HDAC4: variants seen among roughly 807,000 people sequenced by gnomAD.
The protein encoded by HDAC4 is histone deacetylase A.
In HDAC4, 16 loss-of-function variants were observed where a neutral mutation model predicts 135.1. The ratio of observed to expected loss-of-function variants is 0.12; its 90% CI spans 0.08 to 0.18. HDAC4 has a LOEUF of 0.18. Among genes scored for constraint, HDAC4 ranks in the 10% least tolerant of loss-of-function variants. The pLI, the probability that HDAC4 is intolerant of heterozygous loss-of-function variation, is 1.00. For synonymous variants in HDAC4, 685 were observed against 653.4 expected (o/e 1.05, Z -0.74); for missense variants, 1,143 against 1,511.8 (o/e 0.76, Z 4.05).
chr2:239,096,570 A>C (rs1245389387), intron 16 of HDAC4, among the ~76,000 whole-genome samples: 7 of 35,092 alleles, frequency 2.0e-4, no homozygotes, highest in Admixed American at 4.1e-4. Flanking sequence ...AGACGCCTAC[A>C]CCCCCCACGA....
intron 2 of HDAC4, among the ~76,000 whole-genome samples, chr2:239,337,483 C>T (rs960275597): frequency 6.6e-6 from 1 of 152,126 alleles, no homozygotes; most frequent in Non-Finnish European, 1.5e-5. Flanking sequence ...TCAGGACTCA[C>T]GGGAGTAAGC....
rs373617636 is a variant in HDAC4 at position 239,115,175 on chromosome 2, C to G, written c.1669G>C (p.Ala557Pro). ...DRLPGQKEAH[A>P]QAGVQVKQEP... is the part of the protein sequence containing the mutation. ...TGCTTCACCTGCACGCCGGCCTGTG[C>G]GTGCGCCTCCTTCTGCCCCGGCAGC... Residue 557 changes from alanine to proline, a missense_variant, in exon 13 of 27, where the codon GCA becomes CCA. Ala to Pro is a conservative substitution (Grantham distance 27). This residue lies in a region of HDAC4 where 196 missense variants were observed against 210.7 expected (regional missense o/e 0.93). Coordinates refer to ENST00000543185, the MANE Select transcript of HDAC4 (RefSeq NM_001378414.1). This position sits in a 1 kb window ranked among gnomAD's most constrained non-coding sequence, Gnocchi z 6.3. The G allele has an allele frequency of 4.3e-6, 7 of 1,611,054 alleles. No individual in the cohort carries two copies. The highest frequency in any genetic ancestry group is 2.2e-5 in the East Asian group (1 of 44,880).
At chr2:239,401,190 GC>G (rs1696972244), upstream of HDAC4, among the ~76,000 whole-genome samples, 1 of 134,994 alleles carries the variant, frequency 7.4e-6, no homozygotes. Context: ...CCCGCCTCCC[GC>G]CCGCCCGCCC....
rs559285229 is a variant in HDAC4 at position 239,078,194 on chromosome 2, C to T, written c.2750+2901G>A. ...AGACTTTACTCAGCAACTTCAAAGC[C>T]GCGTCTGGCACCGGGACTGGTTTGA... On this transcript the variant is annotated intron_variant, in intron 22 of 26. Coordinates refer to ENST00000543185, the MANE Select transcript of HDAC4 (RefSeq NM_001378414.1). Among the ~76,000 whole-genome samples the T allele has an allele frequency of 8.9e-4, 135 of 152,290 alleles. 1 individual carries two copies. Among genetic ancestry groups the T allele is most frequent in the African/African-American group, 3.1e-3 (129 of 41,568 alleles).
At chr2:239,203,176 G>T (rs1188413692) in intron 3 of HDAC4, among the ~76,000 whole-genome samples, 1 of 152,170 alleles carries the variant, frequency 6.6e-6, no homozygotes, top group Non-Finnish European at 1.5e-5. Flanking sequence ...ACACCAAGGG[G>T]AAGAGCTCAG....
At chr2:239,387,140 T>C (rs1559402079) in intron 1 of HDAC4, among the ~76,000 whole-genome samples, 1 of 152,208 alleles carries the variant, frequency 6.6e-6, no homozygotes. Flanking sequence ...ACATGTGTGT[T>C]GAGGAGGAAG....
intron 5 of HDAC4, 126 bp from the exon 6 acceptor site, chr2:239,164,049 C>A: frequency 6.0e-6 from 7 of 1,164,582 alleles, no homozygotes; most frequent in Non-Finnish European, 8.9e-6. Context: ...GACGCTGTGG[C>A]CTCCTGAGCG....
chr2:239,070,303 T>C (rs1238981439), intron 22 of HDAC4, among the ~76,000 whole-genome samples: 1 of 152,234 alleles, frequency 6.6e-6, no homozygotes, highest in Non-Finnish European at 1.5e-5. Context: ...ATGACAAATG[T>C]AAGAGAATTC....
intron 1 of HDAC4, among the ~76,000 whole-genome samples, chr2:239,358,650 A>G (rs553498623): frequency 6.6e-6 from 1 of 152,320 alleles, no homozygotes; most frequent in East Asian, 1.9e-4. Context: ...ACACTTGAAT[A>G]ATCATGAGTC....
chr2:239,177,876 C>T (rs186852672), intron 4 of HDAC4, among the ~76,000 whole-genome samples: 6 of 152,292 alleles, frequency 3.9e-5, no homozygotes, highest in African/African-American at 1.2e-4. Flanking sequence ...CTCACGGTAT[C>T]GGAAAAGGTG....
chr2:239,294,853 G>A (rs1158859402), intron 2 of HDAC4, among the ~76,000 whole-genome samples: 1 of 152,166 alleles, frequency 6.6e-6, no homozygotes, highest in African/African-American at 2.4e-5. Context: ...TGCGCTCTCA[G>A]GACAGGACAG....
intron 2 of HDAC4, among the ~76,000 whole-genome samples, chr2:239,320,195 C>T (rs2053259478): frequency 1.3e-5 from 2 of 151,824 alleles, no homozygotes; most frequent in Non-Finnish European, 2.9e-5. Flanking sequence ...CCAGCCTGGC[C>T]AACATGGTGA....
intron 2 of HDAC4, among the ~76,000 whole-genome samples, chr2:239,269,245 ACACACATTCACACACC>A (rs1487797791): frequency 1.3e-4 from 20 of 150,944 alleles, no homozygotes; most frequent in East Asian, 7.8e-4. Flanking sequence ...TCACACATCT[ACACACATTCACACACC>A]CACACATTCA....
intron 2 of HDAC4, among the ~76,000 whole-genome samples, chr2:239,251,733 G>A (rs79544552): frequency 0.03 from 4,599 of 151,770 alleles, 242 homozygotes; most frequent in African/African-American, 0.1. Flanking sequence ...ATTATTCAAT[G>A]GTACAAATGT....
At chr2:239,162,083 TCTGG>T (rs745724476) in intron 6 of HDAC4, 11 of 455,384 alleles carry the variant, frequency 2.4e-5, no homozygotes, top group Non-Finnish European at 4.4e-5. Context: ...GTGGCCACCC[TCTGG>T]GGGCTGCCCT....
intron 12 of HDAC4, among the ~76,000 whole-genome samples, chr2:239,120,355 A>G (rs2039530640): frequency 6.6e-6 from 1 of 151,786 alleles, no homozygotes; most frequent in Admixed American, 6.6e-5. Flanking sequence ...ACAGATACAT[A>G]CACACACAGA....
At chr2:239,081,273 C>G in intron 21 of HDAC4, 81 bp from the exon 22 acceptor site, 1 of 1,220,582 alleles carries the variant, frequency 8.2e-7, no homozygotes, top group Non-Finnish European at 1.2e-6. Context: ...CAGGTGGCAC[C>G]GGGATGGGCT....
intron 6 of HDAC4, chr2:239,162,236 C>T (rs2042847307): frequency 2.2e-6 from 1 of 456,648 alleles, no homozygotes; most frequent in Non-Finnish European, 4.4e-6. Context: ...CTTCTCAAAG[C>T]TCGCTTGCTC....
intron 1 of HDAC4, among the ~76,000 whole-genome samples, chr2:239,383,931 T>C (rs1366218373): frequency 1.3e-5 from 2 of 152,194 alleles, no homozygotes; most frequent in Non-Finnish European, 2.9e-5. Context: ...TGAGAGCCAC[T>C]GGAGGGCAGG....
Sources: allele counts gnomAD v4.1 joint callset (sites outside exome capture counted in the v4.1 genomes callset), GRCh38; gene constraint gnomAD v4.1.1; regional missense constraint gnomAD v4.1.1; non-coding constraint Gnocchi (gnomAD v3.1); transcripts MANE v1.5; gene names NCBI Gene and HGNC (gene_info 2026-07-23, HGNC 2026-07-21).